Variants in ZNF735 observed in about 807,000 individuals in gnomAD.
ZNF735 encodes zinc finger protein 735, also known as putative zinc finger protein 735.
ZNF735 carries 11 observed loss-of-function variants against 13.4 expected under a neutral mutation model. The observed-to-expected ratio is 0.82, with a 90% CI of 0.52 to 1.36. The LOEUF is 1.36. ZNF735 is among the 40% of genes most tolerant of loss of function. ZNF735 has a pLI of 0.00. For synonymous variants in ZNF735, 171 were observed against 162.6 expected (o/e 1.05, Z -0.39); for missense variants, 500 against 484.6 (o/e 1.03, Z -0.30).
At position 64,214,717 on chromosome 7, in the gene ZNF735, T is replaced by C. The variant is rs550832527; in HGVS notation, c.262+609T>C. 4.6e-5 allele frequency among the ~76,000 whole-genome samples: 7 copies of C among 152,072 alleles called. No homozygotes were observed. The East Asian group carries it at 1.3e-3, about 29-fold the overall frequency. ...GGTACCTCATGTCTTCATTTTACTCTGTTGCATATTTTAGATATAGATTCA... is the reference window on the plus strand; with the variant it reads ...GGTACCTCATGTCTTCATTTTACTCCGTTGCATATTTTAGATATAGATTCA... On this transcript the variant is annotated intron_variant, in intron 3 of 3. Coordinates refer to ENST00000429565, the Ensembl canonical transcript of ZNF735.
chr7:64,213,320 C>T (rs1179015454), intron 2 of ZNF735, 102 bp downstream of exon 2: 21 of 1,157,722 alleles, frequency 1.8e-5, no homozygotes, highest in South Asian at 3.4e-5. Context: ...TTTAGCTCTC[C>T]GATTTAAAGA....
intron 1 of ZNF735, among the ~76,000 whole-genome samples, chr7:64,207,718 G>A (rs991328127): frequency 1.3e-5 from 2 of 152,208 alleles, no homozygotes; most frequent in African/African-American, 4.8e-5. Flanking sequence ...GCCAGGCGCG[G>A]TGGCTCACGC....
chr7:64,217,522 T>C (rs1465981572), intron 3 of ZNF735, among the ~76,000 whole-genome samples: 1 of 152,080 alleles, frequency 6.6e-6, no homozygotes, highest in Non-Finnish European at 1.5e-5. Context: ...GAAAGTGAGG[T>C]CTTAATGTTT....
intron 3 of ZNF735, among the ~76,000 whole-genome samples, chr7:64,215,008 C>T (rs926392802): frequency 6.6e-6 from 1 of 151,144 alleles, no homozygotes; most frequent in African/African-American, 2.4e-5. Context: ...AATACTTCTT[C>T]CCATTTGTAT....
At chr7:64,214,681 T>G (rs1787399316) in intron 3 of ZNF735, among the ~76,000 whole-genome samples, 1 of 152,104 alleles carries the variant, frequency 6.6e-6, no homozygotes, top group African/African-American at 2.4e-5. Flanking sequence ...TGTAGGGGGA[T>G]ATGCAAGCAG....
intron 1 of ZNF735, among the ~76,000 whole-genome samples, chr7:64,211,889 A>AT (rs1787364514): frequency 1.0e-5 from 1 of 100,092 alleles, no homozygotes; most frequent in Non-Finnish European, 2.1e-5. Flanking sequence ...AAAAGAAAAA[A>AT]AATATATATA....
chr7:64,213,364 C>T, intron 2 of ZNF735, 146 bp downstream of exon 2: 1 of 846,328 alleles, frequency 1.2e-6, no homozygotes, highest in Non-Finnish European at 1.8e-6. Context: ...AGATTAAATT[C>T]TTCAAGATGT....
exon 4 of ZNF735, chr7:64,220,289 A>C: frequency 6.2e-7 from 1 of 1,602,900 alleles, no homozygotes; most frequent in African/African-American, 1.3e-5. Context: ...AAATGTAAAT[A>C]ATGTGGCAAA....
At chr7:64,219,525 G>T (rs1787461319) in exon 4 of ZNF735, 1 of 1,603,076 alleles carries the variant, frequency 6.2e-7, no homozygotes, top group Admixed American at 1.7e-5. Flanking sequence ...AAATATTTCA[G>T]ACTCATAAAT....
At chr7:64,210,045 A>C (rs1741899715) in intron 1 of ZNF735, among the ~76,000 whole-genome samples, 1 of 152,222 alleles carries the variant, frequency 6.6e-6, no homozygotes, top group Non-Finnish European at 1.5e-5. Context: ...AATAAATAAA[A>C]ATGCTGTGCT....
chr7:64,213,778 GTGA>G (rs1031260222), intron 2 of ZNF735, among the ~76,000 whole-genome samples: 9 of 151,958 alleles, frequency 5.9e-5, no homozygotes, highest in African/African-American at 2.2e-4. Context: ...GGCTAATATG[GTGA>G]AACTCCGTCT....
chr7:64,212,460 C>T (rs1787371223), intron 1 of ZNF735, among the ~76,000 whole-genome samples: 1 of 152,232 alleles, frequency 6.6e-6, no homozygotes, highest in East Asian at 1.9e-4. Flanking sequence ...GAGAAATATA[C>T]ACAGCTTATT....
chr7:64,213,904 A>C, intron 2 of ZNF735, 109 bp from the exon 3 acceptor site: 1 of 1,040,890 alleles, frequency 9.6e-7, no homozygotes, highest in South Asian at 1.7e-5. Context: ...GGTTGCAGTG[A>C]GCTGAGATCA....
chr7:64,219,926 C>A (rs757629051), exon 4 of ZNF735: 5 of 1,613,836 alleles, frequency 3.1e-6, no homozygotes, highest in Middle Eastern at 1.7e-4. Flanking sequence ...AGAATTCATA[C>A]TGGAGAGAGA....
intron 3 of ZNF735, among the ~76,000 whole-genome samples, chr7:64,216,267 G>A (rs1481020902): frequency 2.0e-5 from 3 of 150,946 alleles, no homozygotes; most frequent in Non-Finnish European, 4.4e-5. Context: ...CTTCACTCCA[G>A]CCTGAGCAAC....
chr7:64,209,832 T>C (rs1787335753), intron 1 of ZNF735, among the ~76,000 whole-genome samples: 1 of 152,224 alleles, frequency 6.6e-6, no homozygotes, highest in South Asian at 2.1e-4. Flanking sequence ...GCCTTAGCTG[T>C]AACCCTGAGA....
chr7:64,207,759 C>T (rs1490650855), intron 1 of ZNF735, among the ~76,000 whole-genome samples: 6 of 152,108 alleles, frequency 3.9e-5, no homozygotes, highest in Non-Finnish European at 7.3e-5. Flanking sequence ...GAGGCCGAGG[C>T]GGGCGGATCA....
chr7:64,219,403 T>A (rs1787459399), exon 4 of ZNF735: 1 of 1,613,828 alleles, frequency 6.2e-7, no homozygotes, highest in South Asian at 1.1e-5. Context: ...ATATGGAAAA[T>A]GTGGACATGA....
intron 3 of ZNF735, 30 bp downstream of exon 3, chr7:64,214,138 C>T (rs548521225): frequency 2.4e-4 from 385 of 1,593,190 alleles, no homozygotes; most frequent in Admixed American, 3.7e-4. Flanking sequence ...GCAGATGACA[C>T]GGATGAGATG....
Sources: allele counts gnomAD v4.1 joint callset (sites outside exome capture counted in the v4.1 genomes callset), GRCh38; gene constraint gnomAD v4.1.1; transcripts MANE v1.5; gene names NCBI Gene and HGNC (gene_info 2026-07-23, HGNC 2026-07-21).